The following ARHGAP15 variants were observed in gnomAD, a reference collection of about 807,000 sequenced individuals.
The protein encoded by ARHGAP15 is Rho GTPase activating protein 15, also known as rho GTPase-activating protein 15.
In ARHGAP15, 51 loss-of-function variants were observed where a neutral mutation model predicts 63.7. The observed-to-expected ratio is 0.80, with a 90% CI of 0.64 to 1.01. The LOEUF (loss-of-function observed/expected upper bound fraction) is 1.01, where lower values mean the gene tolerates loss of function less well. ARHGAP15 is among the 50% of genes least tolerant of loss of function. The pLI is 0.00. For synonymous variants in ARHGAP15, 191 were observed against 193.8 expected (o/e 0.99, Z 0.12); for missense variants, 560 against 564.6 (o/e 0.99, Z 0.08).
chr2:143,617,020 C>A (rs1194716689), intron 11 of ARHGAP15, among the ~76,000 whole-genome samples: 1 of 152,142 alleles, frequency 6.6e-6, no homozygotes, highest in Non-Finnish European at 1.5e-5. Context: ...ATGAAAACGG[C>A]AATCATGATT....
chr2:143,475,178 C>T (rs1691754091), intron 8 of ARHGAP15, among the ~76,000 whole-genome samples: 1 of 152,192 alleles, frequency 6.6e-6, no homozygotes, highest in Non-Finnish European at 1.5e-5. Flanking sequence ...ATGATTATTG[C>T]AATAGAGCCA....
rs538581755 is a variant in ARHGAP15 at position 143,721,170 on chromosome 2, A to C, written c.1244+17646A>C. Among the ~76,000 whole-genome samples, 261 of 152,088 alleles carry C rather than the reference A, an allele frequency of 1.7e-3. 3 individuals are homozygous for C. The highest frequency in any genetic ancestry group is 2.3e-3 in the Non-Finnish European group (155 of 67,980). On this transcript the variant is annotated intron_variant, in intron 13 of 13. Transcript: ENST00000295095. ...GGTGCCACTGCTGCTGCTGGTCTGC[A>C]GACCACACTTTCAGAACAGGATCTA...
chr2:143,394,075 T>C (rs185689602), intron 6 of ARHGAP15, among the ~76,000 whole-genome samples: 1 of 152,308 alleles, frequency 6.6e-6, no homozygotes, highest in Non-Finnish European at 1.5e-5. Flanking sequence ...TAATTATTGG[T>C]GCATATACAC....
In ARHGAP15 at chr2:143,660,968, A is replaced by C. The variant is rs530541973; in HGVS notation, c.1138+36701A>C. ...TGGGTTAAAATCAGAGTGTTCTTAGAACTGTGTTTCTGTCTGAAGGCTCTA... is the reference window on the plus strand; with the variant it reads ...TGGGTTAAAATCAGAGTGTTCTTAGCACTGTGTTTCTGTCTGAAGGCTCTA... On this transcript the variant is annotated intron_variant, in intron 12 of 13. Transcript: ENST00000295095. 2.0e-5 allele frequency among the ~76,000 whole-genome samples: 3 copies of C among 152,272 alleles called. No individual in the cohort carries two copies. In the East Asian group the frequency reaches 5.8e-4, roughly 29 times the overall value.
At chr2:143,415,680 G>T (rs552854211) in intron 6 of ARHGAP15, among the ~76,000 whole-genome samples, 19 of 152,216 alleles carry the variant, frequency 1.2e-4, no homozygotes, top group East Asian at 9.7e-4. Context: ...GAAAGGCAAA[G>T]TTATAGCAGC....
Position 143,202,338 on chromosome 2 carries a change from A to T in ARHGAP15, c.234+136A>T, listed in dbSNP as rs892908482. On this transcript the variant is annotated intron_variant, in intron 3 of 13. Transcript: ENST00000295095. ...AATCAGGGCACCACTTAGTAGAGGGATCTAGCTTGGAGTCTCTCAAAACGT... is the reference window on the plus strand; with the variant it reads ...AATCAGGGCACCACTTAGTAGAGGGTTCTAGCTTGGAGTCTCTCAAAACGT... The T allele has an allele frequency of 2.9e-5, 20 of 696,318 alleles. No homozygotes were observed. The South Asian group carries it at 3.4e-4, about 12-fold the overall frequency. The allele number at this position is 696,318 out of a possible 1,614,324, so 43.1% of individuals were successfully genotyped here.
chr2:143,191,657 A>G (rs1691687600), intron 2 of ARHGAP15, among the ~76,000 whole-genome samples: 1 of 152,240 alleles, frequency 6.6e-6, no homozygotes, highest in South Asian at 2.1e-4. Context: ...ATGATTTATC[A>G]GGGAACTTTG....
At chr2:143,608,116 T>C (rs1698112338) in intron 11 of ARHGAP15, 1 of 152,170 alleles carries the variant, frequency 6.6e-6, no homozygotes, top group Non-Finnish European at 1.5e-5. Flanking sequence ...CTTCAACTAA[T>C]GATGAATGAT....
chr2:143,453,598 G>A (rs1574470697), intron 8 of ARHGAP15, among the ~76,000 whole-genome samples: 1 of 151,956 alleles, frequency 6.6e-6, no homozygotes, highest in Admixed American at 6.6e-5. Flanking sequence ...GAAATTCCTA[G>A]AGATTAATGT....
chr2:143,567,665 C>A (rs1484647682), intron 11 of ARHGAP15, among the ~76,000 whole-genome samples: 1 of 152,176 alleles, frequency 6.6e-6, no homozygotes, highest in South Asian at 2.1e-4. Context: ...AAACAGAGGA[C>A]CCCCAAACTC....
intron 12 of ARHGAP15, among the ~76,000 whole-genome samples, chr2:143,676,769 T>G (rs1413610331): frequency 6.6e-6 from 1 of 152,112 alleles, no homozygotes; most frequent in Non-Finnish European, 1.5e-5. Flanking sequence ...TTTGAAATAC[T>G]GCAAGAATTA....
chr2:143,373,496 G>T (rs1299032644), intron 6 of ARHGAP15, among the ~76,000 whole-genome samples: 2 of 151,926 alleles, frequency 1.3e-5, no homozygotes, highest in African/African-American at 2.4e-5. Flanking sequence ...TGGGAGTGGT[G>T]GAGGGTGCCT....
At chr2:143,248,004 T>C (rs545494532) in intron 5 of ARHGAP15, among the ~76,000 whole-genome samples, 1 of 152,236 alleles carries the variant, frequency 6.6e-6, no homozygotes, top group Admixed American at 6.5e-5. Context: ...TGCCAGGCAC[T>C]GTTCCATACA....
At chr2:143,425,017 C>T (rs1689083616) in intron 6 of ARHGAP15, among the ~76,000 whole-genome samples, 1 of 152,014 alleles carries the variant, frequency 6.6e-6, no homozygotes, top group Non-Finnish European at 1.5e-5. Context: ...ATTAACAGTG[C>T]CTTTTGCCTT....
intron 12 of ARHGAP15, among the ~76,000 whole-genome samples, chr2:143,649,802 A>G (rs1291067136): frequency 6.7e-6 from 1 of 149,528 alleles, no homozygotes; most frequent in African/African-American, 2.4e-5. Context: ...TGGACAGTCT[A>G]TGAATTGGCC....
At chr2:143,232,167 C>G (rs907338302) in intron 5 of ARHGAP15, among the ~76,000 whole-genome samples, 6 of 152,144 alleles carry the variant, frequency 3.9e-5, no homozygotes, top group Admixed American at 3.9e-4. Flanking sequence ...GAAGAATGAC[C>G]TATTCTGTTC....
chr2:143,378,803 C>T (rs562832076), intron 6 of ARHGAP15, among the ~76,000 whole-genome samples: 1 of 152,060 alleles, frequency 6.6e-6, no homozygotes, highest in South Asian at 2.1e-4. Flanking sequence ...TGAATTATAT[C>T]CACAAACTGG....
chr2:143,338,369 C>G (rs1684901570), intron 6 of ARHGAP15, among the ~76,000 whole-genome samples: 1 of 152,182 alleles, frequency 6.6e-6, no homozygotes, highest in African/African-American at 2.4e-5. Flanking sequence ...TCACGTGGAT[C>G]AGATTCAATG....
intron 2 of ARHGAP15, among the ~76,000 whole-genome samples, chr2:143,196,041 C>A (rs979927914): frequency 2.6e-5 from 4 of 152,006 alleles, no homozygotes; most frequent in Admixed American, 6.6e-5. Flanking sequence ...TTTAATTCCT[C>A]TTTTTGGAGA....
Sources: allele counts gnomAD v4.1 joint callset (sites outside exome capture counted in the v4.1 genomes callset), GRCh38; gene constraint gnomAD v4.1.1; transcripts MANE v1.5; gene names NCBI Gene and HGNC (gene_info 2026-07-23, HGNC 2026-07-21).